Variants in EPN1 observed in about 807,000 individuals in gnomAD.
EPN1 encodes the protein epsin-1.
Under a neutral mutation model 56.9 loss-of-function variants are expected in EPN1, and 25 were observed. That is an observed-to-expected ratio of 0.44 (90% confidence interval 0.32 to 0.61). EPN1 has a LOEUF of 0.61. EPN1 is among the 20% of genes least tolerant of loss of function. The pLI is 0.05. For missense variants in EPN1, 785 were observed against 823.7 expected (o/e 0.95, Z 0.58); for synonymous variants, 411 against 361.8 (o/e 1.14, Z -1.54).
At chr19:55,686,332 G>A (rs1024622891) in intron 3 of EPN1, among the ~76,000 whole-genome samples, 1 of 152,228 alleles carries the variant, frequency 6.6e-6, no homozygotes, top group African/African-American at 2.4e-5. Context: ...AGGCTAGTCC[G>A]GCTGCTCAGG....
chr19:55,688,492 T>G (rs1986312136), intron 3 of EPN1, among the ~76,000 whole-genome samples: 1 of 152,102 alleles, frequency 6.6e-6, no homozygotes, highest in Non-Finnish European at 1.5e-5. Flanking sequence ...GAAACAGGCC[T>G]GGGAAACCTG....
intron 2 of EPN1, among the ~76,000 whole-genome samples, chr19:55,679,525 C>A (rs776989727): frequency 3.0e-4 from 46 of 152,200 alleles, no homozygotes; most frequent in Non-Finnish European, 5.7e-4. Context: ...GTTGCGGTCC[C>A]GTCGGCAAGC....
At chr19:55,693,076 G>A in intron 9 of EPN1, 39 bp downstream of exon 9, 1 of 1,581,486 alleles carries the variant, frequency 6.3e-7, no homozygotes, top group South Asian at 1.1e-5. Flanking sequence ...GCGAGAGGGA[G>A]CCTCCCCTAG....
In EPN1 at chr19:55,703,777, A is replaced by T. The variant is rs946403583; in HGVS notation, c.*8421A>T. 4 of 152,320 alleles carry T rather than the reference A, an allele frequency of 2.6e-5. No individual in the cohort carries two copies. Among genetic ancestry groups the T allele is most frequent in the Non-Finnish European group, 5.9e-5 (4 of 68,032 alleles). 9.4% of individuals were successfully genotyped at this position (152,320 alleles called of 1,614,324 possible). A position where few individuals can be genotyped will look rare whatever the true frequency, so the allele number is the denominator to read the frequency against. The stretch of plus-strand genomic sequence containing the variant: ...AATGTGGCCAGCATGAGATTTTTTT[A>T]ATCTTGCCAATTTTTGATGGATTTA... On this transcript the variant is annotated 3_prime_UTR_variant, in exon 11 of 11. Coordinates refer to ENST00000270460, the MANE Select transcript of EPN1 (RefSeq NM_001130072.2).
Position 55,688,880 on chromosome 19 carries a change from A to G in EPN1, c.489A>G (p.Ala163=), listed in dbSNP as rs1986343230. ...TCACCCGCCCTCCAGCCTCATCAGCAGCTGTGGGCTCAGGCCCCCCTCCCG... is the reference window on the plus strand; with the variant it reads ...TCACCCGCCCTCCAGCCTCATCAGCGGCTGTGGGCTCAGGCCCCCCTCCCG... ...KLAQTATASS[A]AVGSGPPPEA... Residue 163 remains alanine (A), a synonymous_variant, in exon 4 of 11, where the codon GCA becomes GCG. Coordinates refer to ENST00000270460, the MANE Select transcript of EPN1 (RefSeq NM_001130072.2). 1.3e-6 allele frequency: 2 copies of G among 1,578,340 alleles called. No homozygotes were observed. Among genetic ancestry groups the G allele is most frequent in the Non-Finnish European group, 8.6e-7 (1 of 1,162,354 alleles).
intron 2 of EPN1, among the ~76,000 whole-genome samples, chr19:55,683,732 G>C (rs548268208): frequency 1.3e-5 from 2 of 152,210 alleles, no homozygotes; most frequent in Non-Finnish European, 2.9e-5. Flanking sequence ...TTCACTGTGC[G>C]TGGGTATTCG....
chr19:55,676,654 G>C (rs1568561814), intron 1 of EPN1: 1 of 153,862 alleles, frequency 6.5e-6, no homozygotes, highest in Non-Finnish European at 1.4e-5. Flanking sequence ...TGAGCAAACT[G>C]TGTCTCAAGG....
rs187727691 is a variant in EPN1 at position 55,702,253 on chromosome 19, G to A, written c.*6897G>A. On this transcript the variant is annotated 3_prime_UTR_variant, in exon 11 of 11. Coordinates refer to ENST00000270460, the MANE Select transcript of EPN1 (RefSeq NM_001130072.2). The stretch of plus-strand genomic sequence containing the variant: ...TGGGATTGCAGGCGTGAGCCACCGC[G>A]CCGGGCCCCCACCCCATTCTTTGAT... 2.9e-3 allele frequency: 425 copies of A among 148,642 alleles called. 1 individual carries two copies. Among genetic ancestry groups the A allele is most frequent in the Middle Eastern group, 8.5e-3 (2 of 234 alleles). The allele number at this position is 148,642 out of a possible 1,614,324, so 9.2% of individuals were successfully genotyped here. A position where few individuals can be genotyped will look rare whatever the true frequency, so the allele number is the denominator to read the frequency against.
chr19:55,685,358 C>T, intron 2 of EPN1, 38 bp from the exon 3 acceptor site: 1 of 1,593,176 alleles, frequency 6.3e-7, no homozygotes, highest in Non-Finnish European at 8.5e-7. Context: ...CGCCTTGTGC[C>T]CGGCGTGCTG....
Position 55,701,559 on chromosome 19 carries a change from T to C in EPN1, c.*6203T>C, listed in dbSNP as rs371591222. ...GTCTCCTCTCCCCTTTCCCGGACTA[T>C]TCTGACCCCAGCAGTTCTCAGAAGG... On this transcript the variant is annotated 3_prime_UTR_variant, in exon 11 of 11. Transcript: ENST00000270460. The C allele has an allele frequency of 5.9e-5, 9 of 152,280 alleles. No individual in the cohort carries two copies. In the East Asian group the frequency reaches 1.5e-3, roughly 26 times the overall value. The allele number at this position is 152,280 out of a possible 1,614,324, so 9.4% of individuals were successfully genotyped here.
Position 55,708,893 on chromosome 19 carries a change from T to G in EPN1, c.*13537T>G, listed in dbSNP as rs745590282. 4 of 1,504,974 alleles carry G rather than the reference T, an allele frequency of 2.7e-6. No homozygotes were observed. Among genetic ancestry groups the G allele is most frequent in the South Asian group, 2.7e-5 (2 of 74,784 alleles). 93.2% of individuals were successfully genotyped at this position (1,504,974 alleles called of 1,614,324 possible). A position where few individuals can be genotyped will look rare whatever the true frequency, so the allele number is the denominator to read the frequency against. ...CCAAGGAAAGCCTTTGTGAGACGAC[T>G]ACTTCAGGGTGTTCCCCATCAGAGG... is the stretch of plus-strand genomic sequence containing the variant. On this transcript the variant is annotated 3_prime_UTR_variant, in exon 11 of 11. Transcript: ENST00000270460.
chr19:55,686,423 C>T (rs1012168354), intron 3 of EPN1, among the ~76,000 whole-genome samples: 5 of 151,954 alleles, frequency 3.3e-5, no homozygotes, highest in African/African-American at 1.2e-4. Context: ...AGTGGGGATA[C>T]GTGGGATGGG....
At position 55,694,736 on chromosome 19, in the gene EPN1, G is replaced by A. The variant is rs371007476; in HGVS notation, c.1275G>A (p.Glu425=). The change falls in exon 10 of 11, where the codon GAG becomes GAA. Residue 425 remains glutamate (E), a synonymous_variant. Transcript: ENST00000270460. The surrounding 1 kb of genome is among the most constrained non-coding windows in gnomAD (Gnocchi z 4.2). ...CCCGGATCCTTCCAGGAGAGCTGGAGCTGCTGGCAGGAGAGGTGCCGGCCC... is the reference window on the plus strand; with the variant it reads ...CCCGGATCCTTCCAGGAGAGCTGGAACTGCTGGCAGGAGAGGTGCCGGCCC... ...PTSGSSAGEL[E]LLAGEVPARS... is the part of the protein sequence containing the mutation. 3.4e-3 allele frequency: 5,368 copies of A among 1,572,734 alleles called. 19 individuals are homozygous for A. Among genetic ancestry groups the A allele is most frequent in the Middle Eastern group, 4.0e-3 (23 of 5,740 alleles).
rs1368221634 is a variant in EPN1, at chr19:55,696,510, C to T, written c.*1154C>T. ...TCAAGTCCTGACGGCTGGGTTCGCT[C>T]CCTCAGTGACTCCGACAGCTCTTGT... is the stretch of plus-strand genomic sequence containing the variant. On this transcript the variant is annotated 3_prime_UTR_variant, in exon 11 of 11. Transcript: ENST00000270460. 6.6e-6 allele frequency: 1 copy of T among 152,420 alleles called. No homozygotes were observed. The highest frequency in any genetic ancestry group is 1.5e-5 in the Non-Finnish European group (1 of 68,242). The allele number at this position is 152,420 out of a possible 1,614,324, so 9.4% of individuals were successfully genotyped here. A position where few individuals can be genotyped will look rare whatever the true frequency, so the allele number is the denominator to read the frequency against.
rs376356666 is a variant in EPN1 at position 55,685,477 on chromosome 19, C to T, written c.310C>T (p.Gln104Ter). 1 of 1,612,166 alleles carries T rather than the reference C, an allele frequency of 6.2e-7. No individual in the cohort carries two copies. Among genetic ancestry groups the T allele is most frequent in the Non-Finnish European group, 8.5e-7 (1 of 1,179,292 alleles). The change falls in exon 3 of 11, where the codon CAG becomes TAG. Residue 104 changes from glutamine (Q) to a stop codon, truncating the protein, a stop_gained. Coordinates refer to ENST00000270460, the MANE Select transcript of EPN1 (RefSeq NM_001130072.2). LOFTEE classifies it high-confidence loss of function. ...GTGCAAGGAGAACATGTACGCCGTG[C>T]AGACGCTGAAGGACTTCCAGTACGT... ...QQCKENMYAV[Q>*]TLKDFQYVDR...
rs1986948662 is a variant in EPN1, at chr19:55,697,316, C to T, written c.*1960C>T. On this transcript the variant is annotated 3_prime_UTR_variant, in exon 11 of 11. Coordinates refer to ENST00000270460, the MANE Select transcript of EPN1 (RefSeq NM_001130072.2). ...GGAAAGGGGAGGCGAGCCGAGCCTC[C>T]CTCTTGCCAATCTTGGTCTCCCCAC... 6.6e-6 allele frequency: 1 copy of T among 152,168 alleles called. No individual in the cohort carries two copies. Among genetic ancestry groups the T allele is most frequent in the African/African-American group, 2.4e-5 (1 of 41,432 alleles). 9.4% of individuals were successfully genotyped at this position (152,168 alleles called of 1,614,324 possible).
chr19:55,677,026 C>G, intron 1 of EPN1: 1 of 1,301,560 alleles, frequency 7.7e-7, no homozygotes, highest in South Asian at 1.5e-5. Flanking sequence ...TACTTTTTAA[C>G]TAGCTACATC....
Position 55,691,623 on chromosome 19 carries a change from C to G in EPN1, c.763-131C>G. On this transcript the variant is annotated intron_variant, in intron 6 of 10. Coordinates refer to ENST00000270460, the MANE Select transcript of EPN1 (RefSeq NM_001130072.2). This position sits in a 1 kb window ranked among gnomAD's most constrained non-coding sequence, Gnocchi z 5.6. ...GTGTGTTTGGGGCCTGCCTCCCTCT[C>G]ACCCCTTATGGATGGCTGCTGTCTG... 1 of 755,050 alleles carries G rather than the reference C, an allele frequency of 1.3e-6. No homozygotes were observed. 46.8% of individuals were successfully genotyped at this position (755,050 alleles called of 1,614,324 possible). A position where few individuals can be genotyped will look rare whatever the true frequency, so the allele number is the denominator to read the frequency against.
intron 2 of EPN1, among the ~76,000 whole-genome samples, chr19:55,683,047 G>A (rs1185518196): frequency 6.0e-5 from 9 of 150,882 alleles, no homozygotes; most frequent in South Asian, 2.1e-4. Flanking sequence ...GAGCCACCGC[G>A]CCCAGCCTGT....
Sources: allele counts gnomAD v4.1 joint callset (sites outside exome capture counted in the v4.1 genomes callset), GRCh38; gene constraint gnomAD v4.1.1; non-coding constraint Gnocchi (gnomAD v3.1); transcripts MANE v1.5; gene names NCBI Gene and HGNC (gene_info 2026-07-23, HGNC 2026-07-21).